The following ZNF704 variants were observed in gnomAD, a reference collection of about 807,000 sequenced individuals.
ZNF704 encodes the protein glucocorticoid induced gene 1.
A neutral mutation model predicts 44.7 loss-of-function variants in ZNF704; 10 were observed. The ratio of observed to expected loss-of-function variants is 0.22; its 90% CI spans 0.14 to 0.38. The LOEUF is 0.38. Among genes scored for constraint, ZNF704 ranks in the 10% least tolerant of loss-of-function variants. The probability of loss-of-function intolerance (pLI) is 1.00; values close to 1 mark genes in which losing one functional copy is unlikely to be tolerated. For missense variants in ZNF704, 390 were observed against 545.5 expected (o/e 0.71, Z 2.84); for synonymous variants, 211 against 207.6 (o/e 1.02, Z -0.14).
chr8:80,778,011 T>C (rs80012590), intron 2 of ZNF704, among the ~76,000 whole-genome samples: 9,155 of 152,254 alleles, frequency 0.06, 313 homozygotes, highest in Middle Eastern at 0.13. Context: ...TTCAATACTA[T>C]TACCCAATAC....
chr8:80,834,107 T>A (rs1415634767), intron 1 of ZNF704, among the ~76,000 whole-genome samples: 1 of 151,938 alleles, frequency 6.6e-6, no homozygotes, highest in Non-Finnish European at 1.5e-5. Flanking sequence ...GGTGGGAGGA[T>A]CACTAGAGCC....
chr8:80,657,720 G>A (rs1818038969), intron 7 of ZNF704, among the ~76,000 whole-genome samples: 1 of 150,414 alleles, frequency 6.6e-6, no homozygotes, highest in Non-Finnish European at 1.5e-5. Context: ...AGCTCACATA[G>A]GATTTTAGTG....
chr8:80,775,108 C>G (rs1807389409), intron 2 of ZNF704, among the ~76,000 whole-genome samples: 1 of 152,138 alleles, frequency 6.6e-6, no homozygotes, highest in Non-Finnish European at 1.5e-5. Context: ...TCCTACTCAG[C>G]TATTTTTATT....
intron 2 of ZNF704, among the ~76,000 whole-genome samples, chr8:80,775,025 C>T (rs1340742769): frequency 2.0e-5 from 3 of 152,040 alleles, no homozygotes; most frequent in African/African-American, 7.2e-5. Flanking sequence ...ACATAATGTC[C>T]AGAGTTTTTA....
intron 2 of ZNF704, among the ~76,000 whole-genome samples, chr8:80,729,185 A>C (rs561847698): frequency 6.6e-6 from 1 of 152,324 alleles, no homozygotes; most frequent in South Asian, 2.1e-4. Context: ...AAAGACAGGT[A>C]GATAAGAAAG....
At position 80,641,815 on chromosome 8, in the gene ZNF704, C is replaced by T. The variant is rs76974540; in HGVS notation, c.1128-338G>A. On this transcript the variant is annotated intron_variant, in intron 8 of 8. Coordinates refer to ENST00000327835, the MANE Select transcript of ZNF704 (RefSeq NM_001033723.3). The stretch of plus-strand genomic sequence containing the variant: ...GGTGGAGTTTGCAGTGAGCCAAGAT[C>T]GCGCTGCACTCCAGCCTGGGAGACA... Among the ~76,000 whole-genome samples, 285 of 152,188 alleles carry T rather than the reference C, an allele frequency of 1.9e-3. 1 individual carries two copies. Among genetic ancestry groups the T allele is most frequent in the African/African-American group, 6.5e-3 (270 of 41,512 alleles).
At chr8:80,850,890 AT>A (rs947220682) in intron 1 of ZNF704, among the ~76,000 whole-genome samples, 21 of 152,210 alleles carry the variant, frequency 1.4e-4, no homozygotes, top group Admixed American at 8.5e-4. Context: ...AGCAGGCTTG[AT>A]TCCTGACCAT....
chr8:80,719,560 A>G (rs1162088114), intron 2 of ZNF704, among the ~76,000 whole-genome samples: 1 of 152,214 alleles, frequency 6.6e-6, no homozygotes, highest in Non-Finnish European at 1.5e-5. Context: ...GCCAGGACAA[A>G]GGAGCTGCTA....
At chr8:80,831,446 G>A (rs1302492682) in intron 1 of ZNF704, among the ~76,000 whole-genome samples, 1 of 152,132 alleles carries the variant, frequency 6.6e-6, no homozygotes, top group African/African-American at 2.4e-5. Context: ...TTAGCTTGCT[G>A]CTTCTTTGAA....
At chr8:80,701,909 C>T (rs1456657450) in intron 2 of ZNF704, among the ~76,000 whole-genome samples, 5 of 152,066 alleles carry the variant, frequency 3.3e-5, no homozygotes, top group Non-Finnish European at 5.9e-5. Context: ...GTAGAGGACT[C>T]TTAAAGAGCT....
At chr8:80,818,304 C>T (rs977705844) in intron 2 of ZNF704, among the ~76,000 whole-genome samples, 2 of 151,944 alleles carry the variant, frequency 1.3e-5, no homozygotes, top group African/African-American at 4.8e-5. Context: ...AATGATTATC[C>T]TGCTTTTTGG....
At chr8:80,803,163 A>C (rs1207097913) in intron 2 of ZNF704, among the ~76,000 whole-genome samples, 1 of 152,198 alleles carries the variant, frequency 6.6e-6, no homozygotes, top group Non-Finnish European at 1.5e-5. Flanking sequence ...GGAGAAATAC[A>C]AACTACTGCT....
intron 2 of ZNF704, among the ~76,000 whole-genome samples, chr8:80,793,516 T>A (rs375392930): frequency 6.6e-6 from 1 of 152,092 alleles, no homozygotes. Context: ...CAAAACATCA[T>A]GTACCATGTA....
intron 4 of ZNF704, among the ~76,000 whole-genome samples, chr8:80,676,815 C>A (rs1229041835): frequency 6.6e-6 from 1 of 152,156 alleles, no homozygotes; most frequent in Non-Finnish European, 1.5e-5. Context: ...AAGGAGCGCG[C>A]AATCTGGTTC....
intron 7 of ZNF704, among the ~76,000 whole-genome samples, chr8:80,650,344 G>A (rs1439034355): frequency 6.6e-6 from 1 of 152,216 alleles, no homozygotes; most frequent in Non-Finnish European, 1.5e-5. Context: ...GAGAGAAGAA[G>A]GCTTCAGACG....
chr8:80,873,817 G>A (rs867786837), intron 1 of ZNF704, among the ~76,000 whole-genome samples: 3 of 148,516 alleles, frequency 2.0e-5, no homozygotes, highest in Admixed American at 1.3e-4. Flanking sequence ...CGGCGGCGGC[G>A]GCCCCGGTGG....
At chr8:80,699,864 C>T (rs889225055) in intron 2 of ZNF704, among the ~76,000 whole-genome samples, 2 of 152,156 alleles carry the variant, frequency 1.3e-5, no homozygotes, top group African/African-American at 4.8e-5. Context: ...CCCTATGTTC[C>T]ATTGCAAATT....
chr8:80,760,235 T>A (rs1010256228), intron 2 of ZNF704, among the ~76,000 whole-genome samples: 1 of 152,306 alleles, frequency 6.6e-6, no homozygotes, highest in Middle Eastern at 3.4e-3. Flanking sequence ...TGGTACTATG[T>A]TTTGAATGTA....
intron 2 of ZNF704, among the ~76,000 whole-genome samples, chr8:80,750,880 T>C (rs1806931334): frequency 6.6e-6 from 1 of 152,204 alleles, no homozygotes; most frequent in Non-Finnish European, 1.5e-5. Flanking sequence ...GTGTGGCTAC[T>C]GTCCTGGATG....
Sources: gnomAD v4.1 joint callset for allele counts (sites outside exome capture counted in the v4.1 genomes callset) on GRCh38, gnomAD v4.1.1 for gene constraint, MANE v1.5 for transcripts, NCBI Gene and HGNC (gene_info 2026-07-23, HGNC 2026-07-21) for gene names.